Variants in ATAD2B observed in about 807,000 individuals in gnomAD.
The protein encoded by ATAD2B is ATPase family AAA domain containing 2B.
Under a neutral mutation model 167.6 loss-of-function variants are expected in ATAD2B, and 40 were observed. The observed-to-expected ratio is 0.24, with a 90% CI of 0.19 to 0.31. The LOEUF is 0.31. ATAD2B is among the 10% of genes least tolerant of loss of function. The pLI is 1.00. For missense variants in ATAD2B, 1,242 were observed against 1,757.2 expected, an observed-to-expected ratio of 0.71 and a Z score of 5.24; for synonymous variants, 579 against 596.5, an observed-to-expected ratio of 0.97 and a Z score of 0.43.
chr2:23,856,435 C>A (rs751560337), intron 13 of ATAD2B: 1 of 407,846 alleles, frequency 2.5e-6, no homozygotes, highest in South Asian at 1.8e-5. Context: ...TGAGCATTAT[C>A]ATAATAGCTA....
chr2:23,788,819 G>A (rs910780312), intron 19 of ATAD2B, among the ~76,000 whole-genome samples, 172 bp from the exon 20 acceptor site: 7 of 152,022 alleles, frequency 4.6e-5, no homozygotes, highest in South Asian at 2.1e-4. Flanking sequence ...GGGTTCAACC[G>A]CATGGGCTAA....
At chr2:23,914,658 C>T (rs759686449) in intron 1 of ATAD2B, among the ~76,000 whole-genome samples, 9 of 151,456 alleles carry the variant, frequency 5.9e-5, no homozygotes, top group Admixed American at 6.6e-5. Context: ...GCTAACACAG[C>T]GAAACCCCGT....
At chr2:23,808,641 T>C (rs1036221600) in intron 18 of ATAD2B, among the ~76,000 whole-genome samples, 2 of 152,186 alleles carry the variant, frequency 1.3e-5, no homozygotes, top group African/African-American at 4.8e-5. Flanking sequence ...CATCATTTTT[T>C]AGTTGACACT....
intron 22 of ATAD2B, among the ~76,000 whole-genome samples, chr2:23,775,787 C>T (rs182567222): frequency 1.3e-4 from 20 of 152,286 alleles, no homozygotes; most frequent in African/African-American, 4.8e-4. Context: ...ATCTCATTCA[C>T]TCCTCTACGA....
chr2:23,680,989 C>T, the ATAD2B span, among the ~76,000 whole-genome samples: 1 of 152,228 alleles, frequency 6.6e-6, no homozygotes, highest in Non-Finnish European at 1.5e-5. The surrounding 1 kb of genome is among the most constrained non-coding windows in gnomAD (Gnocchi z 4.1). Flanking sequence ...TCCCACACAC[C>T]TCACTTGGAA....
intron 23 of ATAD2B, among the ~76,000 whole-genome samples, chr2:23,762,694 G>T (rs1406125526): frequency 6.6e-6 from 1 of 152,152 alleles, no homozygotes; most frequent in Non-Finnish European, 1.5e-5. Context: ...ATCTTAGAAT[G>T]TACAACAGTC....
chr2:23,785,387 G>C (rs1184143157), intron 21 of ATAD2B, among the ~76,000 whole-genome samples: 1 of 152,098 alleles, frequency 6.6e-6, no homozygotes, highest in East Asian at 1.9e-4. Flanking sequence ...AACCAAAAAT[G>C]TAGTTGATAG....
chr2:23,886,354 T>C (rs1010757133), intron 4 of ATAD2B, among the ~76,000 whole-genome samples: 2 of 152,148 alleles, frequency 1.3e-5, no homozygotes, highest in Non-Finnish European at 2.9e-5. Context: ...AATAAAACTT[T>C]TTAAATATAA....
intron 13 of ATAD2B, among the ~76,000 whole-genome samples, chr2:23,852,642 G>A (rs1692747604): frequency 6.6e-6 from 1 of 152,178 alleles, no homozygotes. Context: ...ATTCAGGCCA[G>A]GCGCAGTGGC....
intron 22 of ATAD2B, 87 bp downstream of exon 22, chr2:23,782,782 T>A (rs369823108): frequency 8.7e-7 from 1 of 1,154,890 alleles, no homozygotes; most frequent in Non-Finnish European, 1.2e-6. Context: ...AAATTATCTA[T>A]CTAGAACACA....
chr2:23,690,972 GCCAGGCCCCAGGT>G, the ATAD2B span: 2 of 153,258 alleles, frequency 1.3e-5, no homozygotes, highest in Non-Finnish European at 2.9e-5. Context: ...CCCGCCCCGG[GCCAGGCCCCAGGT>G]CATGGCTGCT....
the ATAD2B span, among the ~76,000 whole-genome samples, chr2:23,729,869 C>T: frequency 9.2e-5 from 14 of 152,100 alleles, no homozygotes; most frequent in African/African-American, 3.1e-4. Flanking sequence ...AAATGTAATA[C>T]AACTAACAAT....
chr2:23,857,260 G>A (rs1053126036), intron 13 of ATAD2B, among the ~76,000 whole-genome samples, 155 bp downstream of exon 13: 1 of 152,180 alleles, frequency 6.6e-6, no homozygotes, highest in Non-Finnish European at 1.5e-5. Flanking sequence ...GCTGTGGTGT[G>A]CTGACCCCTG....
chr2:23,860,971 C>T (rs1225210197), intron 12 of ATAD2B, among the ~76,000 whole-genome samples: 1 of 151,892 alleles, frequency 6.6e-6, no homozygotes, highest in African/African-American at 2.4e-5. Context: ...AACTCCATAT[C>T]AAATAAATAA....
chr2:23,766,285 C>T (rs762612147), intron 22 of ATAD2B, among the ~76,000 whole-genome samples: 9 of 152,032 alleles, frequency 5.9e-5, no homozygotes, highest in Non-Finnish European at 1.2e-4. Flanking sequence ...CATTCATAAA[C>T]AATACAATAT....
chr2:23,694,826 T>G, the ATAD2B span, among the ~76,000 whole-genome samples: 1 of 152,132 alleles, frequency 6.6e-6, no homozygotes, highest in African/African-American at 2.4e-5. Context: ...AACCTCTTAC[T>G]CCTGCACCCA....
the ATAD2B span, among the ~76,000 whole-genome samples, chr2:23,734,332 C>A: frequency 1.3e-5 from 2 of 151,872 alleles, no homozygotes; most frequent in African/African-American, 4.8e-5. Context: ...AATTTTTTTG[C>A]ATTTTTTAGT....
At chr2:23,773,927 G>A (rs1485303586) in intron 22 of ATAD2B, among the ~76,000 whole-genome samples, 1 of 152,124 alleles carries the variant, frequency 6.6e-6, no homozygotes, top group Non-Finnish European at 1.5e-5. Flanking sequence ...AGGACATATA[G>A]ATGAGTATCT....
At chr2:23,738,244 T>C in the ATAD2B span, among the ~76,000 whole-genome samples, 1 of 152,148 alleles carries the variant, frequency 6.6e-6, no homozygotes, top group South Asian at 2.1e-4. Context: ...AGACACATAA[T>C]TGTCAGATTC....
Sources: gnomAD v4.1 joint callset for allele counts (sites outside exome capture counted in the v4.1 genomes callset) on GRCh38, gnomAD v4.1.1 for gene constraint, Gnocchi (gnomAD v3.1) non-coding constraint, MANE v1.5 for transcripts, NCBI Gene and HGNC (gene_info 2026-07-23, HGNC 2026-07-21) for gene names.